The following VWA8 variants were observed in gnomAD, a reference collection of about 807,000 sequenced individuals.
VWA8 encodes von Willebrand factor A domain containing 8.
Under a neutral mutation model 241.5 loss-of-function variants are expected in VWA8, and 221 were observed. That is an observed-to-expected ratio of 0.91 (90% confidence interval 0.82 to 1.02). VWA8 has a LOEUF of 1.02. Ranked by LOEUF, VWA8 falls within the 50% of genes least tolerant of loss-of-function variation. VWA8 has a pLI of 0.00. For synonymous variants in VWA8, 852 were observed against 827.1 expected, an observed-to-expected ratio of 1.03 and a Z score of -0.52; for missense variants, 2,322 against 2,328.7, an observed-to-expected ratio of 1.00 and a Z score of 0.06.
intron 39 of VWA8, among the ~76,000 whole-genome samples, chr13:41,609,003 G>A (rs1403615300): frequency 2.0e-5 from 3 of 152,186 alleles, no homozygotes; most frequent in Non-Finnish European, 4.4e-5. Context: ...GTTTCAGCCA[G>A]TCTCTGAATT....
chr13:41,926,703 C>A (rs1876859695), intron 2 of VWA8: 2 of 537,406 alleles, frequency 3.7e-6, no homozygotes, highest in Admixed American at 2.0e-5. Flanking sequence ...AGCTACCACC[C>A]AGATGGCCCA....
intron 43 of VWA8, 31 bp from the exon 44 acceptor site, chr13:41,570,737 T>C (rs774183463): frequency 4.4e-6 from 7 of 1,592,548 alleles, no homozygotes; most frequent in South Asian, 1.1e-5. Context: ...ACAAAAGCCA[T>C]GGCTGAGAAA....
intron 22 of VWA8, among the ~76,000 whole-genome samples, chr13:41,731,437 A>AT (rs2045482461): frequency 6.6e-6 from 1 of 152,226 alleles, no homozygotes; most frequent in Non-Finnish European, 1.5e-5. Context: ...TTTGAAAATG[A>AT]TAGTAAACTT....
intron 4 of VWA8, among the ~76,000 whole-genome samples, chr13:41,895,504 CAT>C (rs1269578155): frequency 6.6e-6 from 1 of 152,134 alleles, no homozygotes; most frequent in East Asian, 1.9e-4. Context: ...CTCAGTTCAA[CAT>C]AGAGCATACA....
intron 14 of VWA8, among the ~76,000 whole-genome samples, chr13:41,830,043 C>T (rs1485497367): frequency 6.6e-6 from 1 of 151,992 alleles, no homozygotes; most frequent in African/African-American, 2.4e-5. Context: ...GAGATCGAGA[C>T]CATCCTGGCT....
chr13:41,866,448 A>G (rs559218759), intron 10 of VWA8, among the ~76,000 whole-genome samples: 44 of 151,918 alleles, frequency 2.9e-4, no homozygotes, highest in African/African-American at 1.1e-3. Flanking sequence ...TTTTCTCAAA[A>G]TATCAGTAAC....
chr13:41,580,199 C>A (rs886844738), intron 42 of VWA8, among the ~76,000 whole-genome samples: 1 of 152,120 alleles, frequency 6.6e-6, no homozygotes, highest in Non-Finnish European at 1.5e-5. Context: ...CAGCTACGCT[C>A]CCCTCCCATC....
At chr13:41,942,387 G>T (rs542407536) in intron 2 of VWA8, among the ~76,000 whole-genome samples, 189 of 152,070 alleles carry the variant, frequency 1.2e-3, no homozygotes, top group African/African-American at 4.4e-3. Context: ...ACAAAACAAA[G>T]AAGCCTACAT....
chr13:41,825,141 A>G (rs1425656001), intron 14 of VWA8, among the ~76,000 whole-genome samples: 3 of 152,340 alleles, frequency 2.0e-5, no homozygotes, highest in South Asian at 4.1e-4. Context: ...ATTTATTTAC[A>G]TATCTGTCTT....
intron 2 of VWA8, among the ~76,000 whole-genome samples, chr13:41,915,207 G>A (rs1243991137): frequency 5.3e-5 from 8 of 152,184 alleles, no homozygotes; most frequent in Admixed American, 4.6e-4. Context: ...TAGAGCCCTG[G>A]GAATTATGTA....
At chr13:41,772,661 C>T (rs1048794734) in intron 20 of VWA8, among the ~76,000 whole-genome samples, 2 of 152,128 alleles carry the variant, frequency 1.3e-5, no homozygotes, top group African/African-American at 2.4e-5. Flanking sequence ...GCTGCACTTA[C>T]TGGAAAGACT....
intron 37 of VWA8, among the ~76,000 whole-genome samples, chr13:41,658,986 A>G (rs926702103): frequency 7.2e-5 from 11 of 152,216 alleles, no homozygotes; most frequent in Non-Finnish European, 1.6e-4. Flanking sequence ...TGTCTCCTTA[A>G]GTATTTGTAT....
intron 2 of VWA8, among the ~76,000 whole-genome samples, chr13:41,946,502 T>C (rs1245659767): frequency 1.3e-5 from 2 of 152,188 alleles, no homozygotes; most frequent in Admixed American, 6.5e-5. Context: ...ATAGTTTGTA[T>C]GACAATAATA....
chr13:41,835,625 C>T (rs1186342237), intron 12 of VWA8, among the ~76,000 whole-genome samples: 2 of 152,002 alleles, frequency 1.3e-5, no homozygotes, highest in Non-Finnish European at 2.9e-5. Flanking sequence ...CCAAAGGGAT[C>T]GCTCTCTAGA....
Position 41,747,035 on chromosome 13 carries a change from G to A in VWA8, c.2426+14093C>T, listed in dbSNP as rs1244817585. 2.6e-5 allele frequency among the ~76,000 whole-genome samples: 4 copies of A among 152,180 alleles called. No individual in the cohort carries two copies. The East Asian group carries it at 5.8e-4, about 22-fold the overall frequency. The stretch of plus-strand genomic sequence containing the variant: ...ATAGTTTGAAGTCAGGTAGCATGAT[G>A]CCTCCAGCTTTGTTCTTTTGGCTTA... On this transcript the variant is annotated intron_variant, in intron 21 of 44. Coordinates refer to ENST00000379310, the MANE Select transcript of VWA8 (RefSeq NM_015058.2).
intron 17 of VWA8, among the ~76,000 whole-genome samples, chr13:41,805,968 A>T (rs1400987124): frequency 2.6e-5 from 4 of 151,206 alleles, no homozygotes; most frequent in Non-Finnish European, 5.9e-5. Context: ...ACCATATATT[A>T]GGCCACAAAA....
Position 41,701,451 on chromosome 13 carries a change from G to A in VWA8, c.3305C>T (p.Ala1102Val), listed in dbSNP as rs1382944301. The change falls in exon 28 of 45, where the codon GCC becomes GTC. Residue 1102 changes from alanine to valine, a missense_variant. Transcript: ENST00000379310. ...ERSLNFTEEC[A>V]SWRIPLDEIN... The stretch of plus-strand genomic sequence containing the variant: ...TTCATCCAATGGTATTCTCCATGAG[G>A]CACATTCTTCAGTAAAGTTTAGGGA... The A allele has an allele frequency of 1.2e-6, 2 of 1,611,680 alleles. No individual in the cohort carries two copies. The highest frequency in any genetic ancestry group is 1.7e-6 in the Non-Finnish European group (2 of 1,179,036).
In VWA8 at chr13:41,575,774, G is replaced by C; in HGVS notation, c.5336C>G (p.Pro1779Arg). The C allele has an allele frequency of 6.2e-7, 1 of 1,613,222 alleles. No homozygotes were observed. Residue 1779 changes from proline (P) to arginine (R), a missense_variant, in exon 43 of 45, where the codon CCC becomes CGC. Coordinates refer to ENST00000379310, the MANE Select transcript of VWA8 (RefSeq NM_015058.2). The stretch of plus-strand genomic sequence containing the variant: ...TTCTAGTCTTTGCTTATTGTCCTTG[G>C]GGATTTTGTTCATTGGAACCAGACC... ...NIGLVPMNKI[P>R]KDNKQRLEIL...
At chr13:41,746,520 A>T (rs2045608175) in intron 21 of VWA8, among the ~76,000 whole-genome samples, 1 of 152,192 alleles carries the variant, frequency 6.6e-6, no homozygotes, top group South Asian at 2.1e-4. Context: ...GAAAGAAAGG[A>T]TATTACTGAG....
Sources: gnomAD v4.1 joint callset for allele counts (sites outside exome capture counted in the v4.1 genomes callset) on GRCh38, gnomAD v4.1.1 for gene constraint, MANE v1.5 for transcripts, NCBI Gene and HGNC (gene_info 2026-07-23, HGNC 2026-07-21) for gene names.